Variants in TCN2 observed in about 807,000 individuals in gnomAD.
TCN2 encodes transcobalamin-2.
A neutral mutation model predicts 48.6 loss-of-function variants in TCN2; 34 were observed. The observed-to-expected ratio is 0.70, with a 90% CI of 0.53 to 0.93. The LOEUF is 0.93. Among genes scored for constraint, TCN2 ranks in the 40% least tolerant of loss-of-function variants. The pLI is 0.00. For missense variants in TCN2, 652 were observed against 526.1 expected, an observed-to-expected ratio of 1.24 and a Z score of -2.34; for synonymous variants, 283 against 212.5, an observed-to-expected ratio of 1.33 and a Z score of -2.89.
At chr22:30,609,969 A>G (rs2087510825) in intron 1 of TCN2, among the ~76,000 whole-genome samples, 2 of 152,168 alleles carry the variant, frequency 1.3e-5, no homozygotes, top group Non-Finnish European at 1.5e-5. Context: ...GAAGGCCACC[A>G]TCAGGCAGCT....
chr22:30,623,156 AC>A, intron 8 of TCN2, 73 bp downstream of exon 8: 1 of 1,493,374 alleles, frequency 6.7e-7, no homozygotes, highest in Non-Finnish European at 9.3e-7. Context: ...TCATCAACTC[AC>A]CCCAGCTTTC....
intron 7 of TCN2, among the ~76,000 whole-genome samples, chr22:30,621,848 T>A (rs1401321478): frequency 6.6e-6 from 1 of 152,186 alleles, no homozygotes; most frequent in Non-Finnish European, 1.5e-5. Flanking sequence ...TTCTTCTCTC[T>A]GCCTCCTCTC....
chr22:30,609,306 G>A (rs4820882), intron 1 of TCN2, among the ~76,000 whole-genome samples: 86,713 of 151,874 alleles, frequency 0.57, 25,243 homozygotes, highest in Non-Finnish European at 0.59. Context: ...TCTGGCTCCT[G>A]TGCTTGTGAA....
chr22:30,609,200 C>G (rs1488688069), intron 1 of TCN2, among the ~76,000 whole-genome samples: 3 of 150,608 alleles, frequency 2.0e-5, no homozygotes, highest in Admixed American at 2.0e-4. Flanking sequence ...TGAGGTCTCA[C>G]TATATTGCCC....
Position 30,627,230 on chromosome 22 carries a change from C to T in TCN2, c.*709C>T, listed in dbSNP as rs1346889052. The stretch of plus-strand genomic sequence containing the variant: ...TTGACTACTGACTGAGCACCCACTA[C>T]TATGACTGAGCACTCACTCGCTAGA... On this transcript the variant is annotated 3_prime_UTR_variant, in exon 9 of 9. Transcript: ENST00000215838. 1 of 159,024 alleles carries T rather than the reference C, an allele frequency of 6.3e-6. No individual in the cohort carries two copies. Among genetic ancestry groups the T allele is most frequent in the African/African-American group, 2.4e-5 (1 of 41,530 alleles). The allele number at this position is 159,024 out of a possible 1,614,324, so 9.9% of individuals were successfully genotyped here.
intron 4 of TCN2, among the ~76,000 whole-genome samples, chr22:30,614,792 C>CT (rs1239849882): frequency 2.6e-4 from 40 of 152,254 alleles, no homozygotes; most frequent in Non-Finnish European, 2.9e-4. Flanking sequence ...GCCTGTAGTC[C>CT]CAGCTACTCG....
intron 6 of TCN2, among the ~76,000 whole-genome samples, chr22:30,616,732 C>CA (rs1484370096): frequency 6.6e-6 from 1 of 151,772 alleles, no homozygotes; most frequent in East Asian, 1.9e-4. Context: ...ACCTGGGAGA[C>CA]AGAGGTTGCA....
chr22:30,615,581 C>T lies in TCN2; in HGVS notation c.754-20C>T, dbSNP rs765750887. ...CCCTGCCGGCTGACTTCCTCTCTCT[C>T]TTCCTCACTCTATCACCAGTTCCTC... On this transcript the variant is annotated intron_variant, in intron 5 of 8. Coordinates refer to ENST00000215838, the MANE Select transcript of TCN2 (RefSeq NM_000355.4). The T allele has an allele frequency of 1.2e-6, 2 of 1,614,076 alleles. No homozygotes were observed. Among genetic ancestry groups the T allele is most frequent in the Non-Finnish European group, 1.7e-6 (2 of 1,179,988 alleles).
intron 1 of TCN2, among the ~76,000 whole-genome samples, chr22:30,610,503 T>C (rs1374007086): frequency 1.3e-5 from 2 of 152,232 alleles, no homozygotes; most frequent in African/African-American, 2.4e-5. Flanking sequence ...TGCAAAGCAA[T>C]GATGACAGTA....
At chr22:30,617,268 A>G (rs2087624277) in intron 6 of TCN2, 62 bp from the exon 7 acceptor site, 1 of 1,609,618 alleles carries the variant, frequency 6.2e-7, no homozygotes, top group Non-Finnish European at 8.5e-7. Flanking sequence ...GAAGACAAGA[A>G]GACAAATAAT....
chr22:30,607,321 C>T lies in TCN2; in HGVS notation c.-11C>T, dbSNP rs1390978374. The T allele has an allele frequency of 9.9e-6, 16 of 1,614,054 alleles. No individual in the cohort carries two copies. The highest frequency in any genetic ancestry group is 2.7e-5 in the African/African-American group (2 of 74,922). On this transcript the variant is annotated 5_prime_UTR_variant, in exon 1 of 9. Transcript: ENST00000215838. ...CGATTCTTGCTCACTGCTCACCCAC[C>T]TGCTGCTGCCATGAGGCACCTTGGG...
chr22:30,613,142 G>T (rs747574871), intron 3 of TCN2, 100 bp downstream of exon 3: 3 of 1,494,460 alleles, frequency 2.0e-6, no homozygotes, highest in African/African-American at 1.4e-5. Context: ...CTCCCCAGGC[G>T]TCTTTCCCAC....
chr22:30,608,992 G>T (rs1222293142), intron 1 of TCN2, among the ~76,000 whole-genome samples: 1 of 151,972 alleles, frequency 6.6e-6, no homozygotes, highest in Non-Finnish European at 1.5e-5. Flanking sequence ...TGTAAAGTGG[G>T]CTAAGAATGC....
At chr22:30,619,318 G>A (rs2087662740) in intron 7 of TCN2, among the ~76,000 whole-genome samples, 2 of 152,318 alleles carry the variant, frequency 1.3e-5, no homozygotes, top group East Asian at 1.9e-4. Flanking sequence ...GGACTCAAGC[G>A]ATCTACCCAC....
At position 30,617,711 on chromosome 22, in the gene TCN2, G is replaced by GAGC. The variant is rs2087634445; in HGVS notation, c.1106+217_1106+219dup. 25 of 623,954 alleles carry GAGC rather than the reference G, an allele frequency of 4.0e-5. No individual in the cohort carries two copies. The South Asian group carries it at 4.7e-4, about 12-fold the overall frequency. 38.7% of individuals were successfully genotyped at this position (623,954 alleles called of 1,614,324 possible). On this transcript the variant is annotated intron_variant, in intron 7 of 8. Coordinates refer to ENST00000215838, the MANE Select transcript of TCN2 (RefSeq NM_000355.4). Reference sequence around the variant, plus strand: ...ACTGAGAGAGCAGGCTTTGGAGGCAGAGCCCCCCAGTTGGAATCCCAACTC... The same window carrying GAGC: ...ACTGAGAGAGCAGGCTTTGGAGGCAGAGCAGCCCCCCAGTTGGAATCCCAACTC...
intron 7 of TCN2, among the ~76,000 whole-genome samples, chr22:30,619,223 C>T (rs1043199786): frequency 7.2e-5 from 11 of 152,164 alleles, no homozygotes; most frequent in African/African-American, 1.7e-4. Flanking sequence ...AACAGGCATG[C>T]GCCACCACGC....
At chr22:30,616,895 G>T (rs1402050949) in intron 6 of TCN2, among the ~76,000 whole-genome samples, 1 of 152,182 alleles carries the variant, frequency 6.6e-6, no homozygotes, top group African/African-American at 2.4e-5. Context: ...TTGAGGAATG[G>T]TCTTGCAAAA....
At chr22:30,618,078 T>C (rs528221403) in intron 7 of TCN2, among the ~76,000 whole-genome samples, 99 of 151,152 alleles carry the variant, frequency 6.5e-4, no homozygotes, top group African/African-American at 2.3e-3. Context: ...CCCAAATAGC[T>C]GAGACTATAG....
chr22:30,613,180 C>A, intron 3 of TCN2, 138 bp downstream of exon 3: 1 of 1,212,360 alleles, frequency 8.2e-7, no homozygotes, highest in Non-Finnish European at 1.2e-6. Flanking sequence ...TCACTGCCTA[C>A]GTAGAGGCTC....
Sources: allele counts gnomAD v4.1 joint callset (sites outside exome capture counted in the v4.1 genomes callset), GRCh38; gene constraint gnomAD v4.1.1; transcripts MANE v1.5; gene names NCBI Gene and HGNC (gene_info 2026-07-23, HGNC 2026-07-21).